The following BANP variants were observed in gnomAD, a reference collection of about 807,000 sequenced individuals.
The protein encoded by BANP is protein BANP.
In BANP, 11 loss-of-function variants were observed where a neutral mutation model predicts 68.1. The ratio of observed to expected loss-of-function variants is 0.16; its 90% CI spans 0.10 to 0.27. The LOEUF is 0.27. Ranked by LOEUF, BANP falls within the 10% of genes least tolerant of loss-of-function variation. The probability of loss-of-function intolerance (pLI) is 1.00; values close to 1 mark genes in which losing one functional copy is unlikely to be tolerated. For synonymous variants in BANP, 329 were observed against 303.2 expected, an observed-to-expected ratio of 1.09 and a Z score of -0.88; for missense variants, 504 against 722.7, an observed-to-expected ratio of 0.70 and a Z score of 3.47.
intron 7 of BANP, among the ~76,000 whole-genome samples, chr16:88,022,457 C>T (rs1369406164): frequency 6.6e-6 from 1 of 152,200 alleles, no homozygotes; most frequent in African/African-American, 2.4e-5. Flanking sequence ...TCAGGGTTGA[C>T]CTGTCAGATG....
At chr16:88,020,077 C>T (rs537131895) in intron 7 of BANP, among the ~76,000 whole-genome samples, 2 of 152,316 alleles carry the variant, frequency 1.3e-5, no homozygotes, top group East Asian at 1.9e-4. Flanking sequence ...GGAGACCACA[C>T]GTGGGGCCTC....
intron 4 of BANP, among the ~76,000 whole-genome samples, chr16:87,984,556 C>A (rs996748875): frequency 2.0e-5 from 3 of 152,258 alleles, no homozygotes; most frequent in South Asian, 2.1e-4. Context: ...GTGCTTCTTT[C>A]CTTTTTCCTA....
At chr16:88,012,208 G>A (rs1196466937) in intron 6 of BANP, among the ~76,000 whole-genome samples, 7 of 152,226 alleles carry the variant, frequency 4.6e-5, no homozygotes, top group South Asian at 2.1e-4. Flanking sequence ...TGTGTGTAAC[G>A]ACACAGCCCG....
intron 2 of BANP, among the ~76,000 whole-genome samples, chr16:87,978,882 G>C (rs2062724077): frequency 6.6e-6 from 1 of 152,316 alleles, no homozygotes; most frequent in South Asian, 2.1e-4. Context: ...CGCAGGATAA[G>C]CAACTCGGCC....
chr16:88,074,271 G>A (rs954539448), intron 13 of BANP, among the ~76,000 whole-genome samples: 7 of 152,198 alleles, frequency 4.6e-5, no homozygotes, highest in African/African-American at 1.4e-4. Flanking sequence ...GCAGGGTCAC[G>A]CGCTTGAGCT....
chr16:87,994,334 A>G (rs2066643489), intron 4 of BANP, among the ~76,000 whole-genome samples: 1 of 152,206 alleles, frequency 6.6e-6, no homozygotes, highest in South Asian at 2.1e-4. Context: ...CTGATTTGGG[A>G]CTGTTGGGTG....
chr16:87,955,938 CAG>C (rs1194876912), intron 1 of BANP, among the ~76,000 whole-genome samples: 6 of 152,182 alleles, frequency 3.9e-5, no homozygotes, highest in East Asian at 1.9e-4. Flanking sequence ...CAGGGAGGCT[CAG>C]AATTTCCTGC....
rs531413883 is a variant in BANP, at chr16:87,989,638, G to C, written c.362+5379G>C. On this transcript the variant is annotated intron_variant, in intron 4 of 13. Coordinates refer to ENST00000682872, the MANE Select transcript of BANP (RefSeq NM_001386991.1). ...GTGGCTGCGCGCATCCAGGACACAG[G>C]ACACAGGGCGGGTGATGGGGGATGC... Among the ~76,000 whole-genome samples the C allele has an allele frequency of 3.9e-3, 472 of 122,144 alleles. 70 individuals carry two copies. The highest frequency in any genetic ancestry group is 0.015 in the African/African-American group (436 of 29,998). The allele number at this position is 122,144 out of a possible 152,430, so 80.1% of individuals were successfully genotyped here. A position where few individuals can be genotyped will look rare whatever the true frequency, so the allele number is the denominator to read the frequency against.
intron 12 of BANP, among the ~76,000 whole-genome samples, chr16:88,070,882 TC>T (rs1482243881): frequency 6.6e-6 from 1 of 152,264 alleles, no homozygotes; most frequent in Non-Finnish European, 1.5e-5. Flanking sequence ...GAATTATACT[TC>T]GTATCTTTAA....
At chr16:87,973,708 G>A (rs1262272764) in intron 1 of BANP, among the ~76,000 whole-genome samples, 2 of 142,356 alleles carry the variant, frequency 1.4e-5, no homozygotes, top group Admixed American at 7.7e-5. Flanking sequence ...AGCCGAGATT[G>A]CGCCATTGCA....
At chr16:88,054,375 C>T (rs2084395136) in intron 11 of BANP, among the ~76,000 whole-genome samples, 1 of 150,102 alleles carries the variant, frequency 6.7e-6, no homozygotes, top group African/African-American at 2.4e-5. Context: ...CCACTACCAC[C>T]ACCACCTCTA....
chr16:88,069,678 C>T (rs1056673739), intron 12 of BANP, among the ~76,000 whole-genome samples: 2 of 152,214 alleles, frequency 1.3e-5, no homozygotes, highest in Non-Finnish European at 2.9e-5. Context: ...CACCTGCACC[C>T]CAGGGCCAGC....
At chr16:88,037,793 C>T in intron 10 of BANP, 180 bp from the exon 11 acceptor site, 1 of 627,220 alleles carries the variant, frequency 1.6e-6, no homozygotes. Flanking sequence ...TAAATAGTAC[C>T]TAGAAATGTC....
intron 7 of BANP, among the ~76,000 whole-genome samples, chr16:88,021,266 C>G (rs2075977993): frequency 1.3e-5 from 2 of 152,322 alleles, no homozygotes; most frequent in East Asian, 1.9e-4. Flanking sequence ...GAGCTGGGCT[C>G]TGGAGCACGG....
At chr16:87,950,386 A>G (rs2056697566), upstream of BANP, 1 of 151,782 alleles carries the variant, frequency 6.6e-6, no homozygotes, top group African/African-American at 2.4e-5. Context: ...TCCTGTGATT[A>G]CCCACAAACG....
intron 6 of BANP, among the ~76,000 whole-genome samples, chr16:88,014,988 C>A (rs1459872846): frequency 6.6e-6 from 1 of 152,042 alleles, no homozygotes; most frequent in East Asian, 1.9e-4. Flanking sequence ...CTGTAATCAG[C>A]TGCTTGCCCT....
In BANP at chr16:88,038,155, G is replaced by A. The variant is rs1293015388; in HGVS notation, c.1311+144G>A. The A allele has an allele frequency of 1.0e-4, 77 of 767,868 alleles. 1 individual carries two copies. In the South Asian group the frequency reaches 1.2e-3, roughly 12 times the overall value. The allele number at this position is 767,868 out of a possible 1,614,324, so 47.6% of individuals were successfully genotyped here. On this transcript the variant is annotated intron_variant, in intron 11 of 13. Transcript: ENST00000682872. ...CGCTGCCGAGGGGTGGGGCTCTCAC[G>A]GGAGGGGTGGGACGGTCATTGTGGG...
intron 11 of BANP, among the ~76,000 whole-genome samples, chr16:88,041,122 G>A (rs534899098): frequency 4.6e-5 from 7 of 152,236 alleles, no homozygotes; most frequent in African/African-American, 7.2e-5. Context: ...ACTTGTTGCC[G>A]TTCTCCTCCT....
chr16:87,967,152 G>C (rs111998310), intron 1 of BANP, among the ~76,000 whole-genome samples: 1 of 152,228 alleles, frequency 6.6e-6, no homozygotes, highest in Non-Finnish European at 1.5e-5. Flanking sequence ...GAGCTCTGGG[G>C]AGAGCAGGTA....
Sources: gnomAD v4.1 joint callset for allele counts (sites outside exome capture counted in the v4.1 genomes callset) on GRCh38, gnomAD v4.1.1 for gene constraint, MANE v1.5 for transcripts, NCBI Gene and HGNC (gene_info 2026-07-23, HGNC 2026-07-21) for gene names.